The following BACH2 variants were observed in gnomAD, a reference collection of about 807,000 sequenced individuals.
The protein encoded by BACH2 is BACH transcriptional regulator 2, also known as transcription regulator protein BACH2.
In BACH2, 5 loss-of-function variants were observed where a neutral mutation model predicts 61.8. The ratio of observed to expected loss-of-function variants is 0.08; its 90% CI spans 0.04 to 0.17. The LOEUF is 0.17. Among genes scored for constraint, BACH2 ranks in the 10% least tolerant of loss-of-function variants. The pLI is 1.00. For missense variants in BACH2, 824 were observed against 1,091.1 expected (o/e 0.76, Z 3.45); for synonymous variants, 446 against 440.1 (o/e 1.01, Z -0.17).
intron 5 of BACH2, among the ~76,000 whole-genome samples, chr6:90,026,788 T>C (rs546771641): frequency 1.1e-4 from 16 of 152,324 alleles, no homozygotes; most frequent in African/African-American, 3.8e-4. Context: ...GAAAAGATTC[T>C]TAATAAAAGG....
chr6:90,029,882 T>C (rs1310261190), intron 5 of BACH2, among the ~76,000 whole-genome samples: 2 of 152,174 alleles, frequency 1.3e-5, no homozygotes, highest in East Asian at 1.9e-4. Flanking sequence ...ACTAATGATA[T>C]AACCTCCAAG....
intron 7 of BACH2, among the ~76,000 whole-genome samples, chr6:89,939,817 A>C (rs1463359734): frequency 7.6e-6 from 1 of 131,850 alleles, no homozygotes; most frequent in Non-Finnish European, 1.6e-5. Flanking sequence ...CTGCCCAGTT[A>C]ATTAAATTTT....
intron 5 of BACH2, among the ~76,000 whole-genome samples, chr6:90,074,602 G>A (rs1290040183): frequency 6.6e-6 from 1 of 152,158 alleles, no homozygotes; most frequent in South Asian, 2.1e-4. Flanking sequence ...GAATCATCCA[G>A]TACACTATTA....
intron 4 of BACH2, among the ~76,000 whole-genome samples, chr6:90,149,811 C>T (rs1425430344): frequency 2.6e-5 from 4 of 152,126 alleles, no homozygotes; most frequent in African/African-American, 7.2e-5. Flanking sequence ...TTAGTCTGTC[C>T]TTGAACTGCC....
chr6:90,069,071 T>C (rs1162964952), intron 5 of BACH2, among the ~76,000 whole-genome samples: 1 of 152,172 alleles, frequency 6.6e-6, no homozygotes, highest in African/African-American at 2.4e-5. Context: ...GAACTAGATC[T>C]CATAAGGATT....
intron 5 of BACH2, among the ~76,000 whole-genome samples, chr6:90,013,498 C>T (rs1270581159): frequency 3.1e-5 from 4 of 127,762 alleles, no homozygotes; most frequent in Non-Finnish European, 1.6e-5. Flanking sequence ...TTTTCCCTTT[C>T]TTTTTCTTTT....
At chr6:89,974,161 T>C (rs917488863) in intron 6 of BACH2, among the ~76,000 whole-genome samples, 3 of 152,280 alleles carry the variant, frequency 2.0e-5, no homozygotes, top group Admixed American at 1.3e-4. Flanking sequence ...ACTCTTGTCA[T>C]TGAAGCAAGG....
chr6:89,977,099 T>C (rs969593783), intron 6 of BACH2, among the ~76,000 whole-genome samples: 15 of 152,230 alleles, frequency 9.9e-5, no homozygotes, highest in Non-Finnish European at 1.0e-4. Context: ...GAAATTATTA[T>C]CTAGATGCTA....
intron 5 of BACH2, among the ~76,000 whole-genome samples, chr6:90,020,896 T>C (rs1778335192): frequency 6.6e-6 from 1 of 151,922 alleles, no homozygotes; most frequent in Non-Finnish European, 1.5e-5. Context: ...CATGGAGGAG[T>C]ATGACAGCCA....
intron 6 of BACH2, among the ~76,000 whole-genome samples, chr6:89,987,949 T>C (rs937975196): frequency 2.0e-5 from 3 of 152,104 alleles, no homozygotes; most frequent in African/African-American, 7.2e-5. Flanking sequence ...TGGATACCAC[T>C]AGCAAAACAA....
chr6:89,987,073 G>A (rs1014372942), intron 6 of BACH2, among the ~76,000 whole-genome samples: 1 of 152,198 alleles, frequency 6.6e-6, no homozygotes, highest in Non-Finnish European at 1.5e-5. Context: ...TAGAAAAGAT[G>A]TGAGTGGCAA....
intron 1 of BACH2, among the ~76,000 whole-genome samples, chr6:90,273,959 T>C (rs1425645997): frequency 6.6e-6 from 1 of 152,220 alleles, no homozygotes; most frequent in African/African-American, 2.4e-5. Context: ...TATCATATAA[T>C]CAGGCGTAAA....
At chr6:90,153,031 T>A (rs1784884238) in intron 4 of BACH2, among the ~76,000 whole-genome samples, 2 of 152,280 alleles carry the variant, frequency 1.3e-5, no homozygotes, top group African/African-American at 4.8e-5. Flanking sequence ...AGTAGATGAA[T>A]GAAGGGAGCT....
chr6:90,239,230 A>G (rs1400326236), intron 3 of BACH2, among the ~76,000 whole-genome samples: 3 of 152,210 alleles, frequency 2.0e-5, no homozygotes, highest in African/African-American at 7.2e-5. Flanking sequence ...AAACCTGGTA[A>G]TCTTTGAAAT....
intron 4 of BACH2, among the ~76,000 whole-genome samples, chr6:90,191,976 TTCAAATG>T (rs1768589388): frequency 2.6e-5 from 4 of 152,246 alleles, no homozygotes; most frequent in African/African-American, 4.8e-5. Context: ...AAGGCCACTG[TTCAAATG>T]ACTAGCTTTG....
intron 3 of BACH2, among the ~76,000 whole-genome samples, chr6:90,250,783 G>A (rs1036151712): frequency 6.6e-6 from 1 of 152,006 alleles, no homozygotes; most frequent in Non-Finnish European, 1.5e-5. Flanking sequence ...CTCAAAAATG[G>A]TTAAGAGAAT....
Position 90,092,280 on chromosome 6 carries a change from T to TAAAAAAAAAAAAA in BACH2, c.-161-3172_-161-3171insTTTTTTTTTTTTT, listed in dbSNP as rs200675044. ...CTGTGCAATTGGCACACTGTCAAAG[T>TAAAAAAAAAAAAA]AAAAAAAAAAAATATATATATATAT... On this transcript the variant is annotated intron_variant, in intron 4 of 8. Coordinates refer to ENST00000257749, the MANE Select transcript of BACH2 (RefSeq NM_021813.4). Among the ~76,000 whole-genome samples the TAAAAAAAAAAAAA allele has an allele frequency of 2.2e-3, 168 of 76,636 alleles. 2 individuals carry two copies. The highest frequency in any genetic ancestry group is 4.3e-3 in the African/African-American group (70 of 16,096). 50.3% of individuals were successfully genotyped at this position (76,636 alleles called of 152,430 possible).
At chr6:89,999,326 C>T (rs1204125307) in intron 6 of BACH2, among the ~76,000 whole-genome samples, 1 of 152,224 alleles carries the variant, frequency 6.6e-6, no homozygotes, top group African/African-American at 2.4e-5. Context: ...CAACCATCTA[C>T]TCAAAGAGTG....
chr6:90,133,342 G>C (rs1257534025), intron 4 of BACH2, among the ~76,000 whole-genome samples: 7 of 152,148 alleles, frequency 4.6e-5, no homozygotes, highest in Non-Finnish European at 1.0e-4. Flanking sequence ...AGACACAGCA[G>C]AATTGAATAA....
Sources: gnomAD v4.1 joint callset for allele counts (sites outside exome capture counted in the v4.1 genomes callset) on GRCh38, gnomAD v4.1.1 for gene constraint, MANE v1.5 for transcripts, NCBI Gene and HGNC (gene_info 2026-07-23, HGNC 2026-07-21) for gene names.